CNTN1: variants seen among roughly 807,000 people sequenced by gnomAD.
The protein encoded by CNTN1 is contactin-1.
A neutral mutation model predicts 126.4 loss-of-function variants in CNTN1; 38 were observed. The ratio of observed to expected loss-of-function variants is 0.30; its 90% CI spans 0.23 to 0.39. CNTN1 has a LOEUF of 0.39. CNTN1 is among the 10% of genes least tolerant of loss of function. CNTN1 has a pLI of 1.00. For synonymous variants in CNTN1, 413 were observed against 422.6 expected (o/e 0.98, Z 0.28); for missense variants, 1,009 against 1,248.4 (o/e 0.81, Z 2.89).
intron 13 of CNTN1, 132 bp downstream of exon 13, chr12:40,943,856 A>G (rs982888369): frequency 5.0e-6 from 7 of 1,387,466 alleles, no homozygotes; most frequent in Non-Finnish European, 7.0e-6. Context: ...TTGCTTGATG[A>G]TATTGTTCTT....
intron 23 of CNTN1, among the ~76,000 whole-genome samples, chr12:41,057,283 A>G (rs973199262): frequency 6.7e-6 from 1 of 149,302 alleles, no homozygotes; most frequent in Non-Finnish European, 1.5e-5. Context: ...TTTCCTCTAA[A>G]GAAAGAGCCA....
intron 18 of CNTN1, among the ~76,000 whole-genome samples, chr12:41,015,175 T>C (rs896590745): frequency 7.4e-6 from 1 of 135,124 alleles, no homozygotes; most frequent in South Asian, 2.6e-4. Context: ...AGCATTTAAA[T>C]CACATTTTAA....
At position 40,817,523 on chromosome 12, in the gene CNTN1, T is replaced by A. The variant is rs1941300223; in HGVS notation, c.-76-90834T>A. Among the ~76,000 whole-genome samples the A allele has an allele frequency of 2.2e-5, 3 of 138,196 alleles. No homozygotes were observed. The East Asian group carries it at 6.7e-4, about 31-fold the overall frequency. The allele number at this position is 138,196 out of a possible 152,430, so 90.7% of individuals were successfully genotyped here. On this transcript the variant is annotated intron_variant, in intron 1 of 23. Coordinates refer to ENST00000551295, the MANE Select transcript of CNTN1 (RefSeq NM_001843.4). ...TTTTGCTTTTCATTTCCTTGGTAAA[T>A]TTTCCTCCATCCCTTTCTTTTGAGA...
chr12:41,065,804 G>T (rs1446526242), intron 23 of CNTN1, among the ~76,000 whole-genome samples: 1 of 152,252 alleles, frequency 6.6e-6, no homozygotes, highest in African/African-American at 2.4e-5. Context: ...GATCTTGGTA[G>T]TGTTTCCTGT....
Position 40,920,569 on chromosome 12 carries a change from C to T in CNTN1, c.228-1687C>T, listed in dbSNP as rs554472530. On this transcript the variant is annotated intron_variant, in intron 4 of 23. Transcript: ENST00000551295. Reference sequence around the variant, plus strand: ...ATGGAAATAGTTTGATGGAAAAGAACATTTAAAGTTTTTAAAATGTACATA... The same window carrying T: ...ATGGAAATAGTTTGATGGAAAAGAATATTTAAAGTTTTTAAAATGTACATA... Among the ~76,000 whole-genome samples, 6 of 152,038 alleles carry T rather than the reference C, an allele frequency of 3.9e-5. No homozygotes were observed. The East Asian group carries it at 9.7e-4, about 24-fold the overall frequency.
At chr12:41,043,141 T>C (rs1592451117) in intron 23 of CNTN1, among the ~76,000 whole-genome samples, 1 of 152,092 alleles carries the variant, frequency 6.6e-6, no homozygotes, top group African/African-American at 2.4e-5. Context: ...AAAGCCAAAA[T>C]TGACAAATGG....
chr12:40,727,052 C>A (rs1450518583), intron 1 of CNTN1, among the ~76,000 whole-genome samples: 1 of 149,338 alleles, frequency 6.7e-6, no homozygotes, highest in African/African-American at 2.4e-5. Context: ...AATACTTCCT[C>A]ATGTTCTTTT....
At chr12:40,966,002 A>G (rs1054970077) in intron 15 of CNTN1, among the ~76,000 whole-genome samples, 2,015 of 125,586 alleles carry the variant, frequency 0.016, 54 homozygotes, top group African/African-American at 0.064. Flanking sequence ...ATCACACCAC[A>G]CACACACACA....
intron 1 of CNTN1, among the ~76,000 whole-genome samples, chr12:40,858,386 AT>A (rs1309057153): frequency 3.9e-4 from 59 of 152,294 alleles, no homozygotes; most frequent in African/African-American, 1.3e-3. Flanking sequence ...AACAAACAAT[AT>A]GAAAAAAAGC....
At chr12:40,965,934 T>C (rs1197044550) in intron 15 of CNTN1, among the ~76,000 whole-genome samples, 1 of 151,062 alleles carries the variant, frequency 6.6e-6, no homozygotes, top group Non-Finnish European at 1.5e-5. Context: ...AGAATAGACA[T>C]AAAAGTTCTA....
chr12:41,013,441 C>T (rs976345314), intron 17 of CNTN1, among the ~76,000 whole-genome samples: 5 of 152,104 alleles, frequency 3.3e-5, no homozygotes, highest in African/African-American at 1.2e-4. Flanking sequence ...ACCAAGGACT[C>T]CCATACCCTT....
At chr12:40,916,233 A>C (rs1045252923) in intron 3 of CNTN1, among the ~76,000 whole-genome samples, 1 of 152,134 alleles carries the variant, frequency 6.6e-6, no homozygotes, top group Non-Finnish European at 1.5e-5. Context: ...GAATCTAGAT[A>C]TATTGATTTC....
chr12:40,939,244 T>G (rs1471307991), intron 11 of CNTN1, 91 bp from the exon 12 acceptor site: 1 of 1,357,504 alleles, frequency 7.4e-7, no homozygotes, highest in Non-Finnish European at 1.0e-6. Context: ...TTCCATTAAC[T>G]ATTAAGGAGA....
At chr12:40,968,016 T>C (rs1194472474) in intron 15 of CNTN1, among the ~76,000 whole-genome samples, 1 of 151,378 alleles carries the variant, frequency 6.6e-6, no homozygotes, top group Non-Finnish European at 1.5e-5. Context: ...TTAAAGACAT[T>C]GTTTACCAGA....
chr12:40,898,446 T>C (rs1944490508), intron 1 of CNTN1, among the ~76,000 whole-genome samples: 1 of 152,192 alleles, frequency 6.6e-6, no homozygotes, highest in African/African-American at 2.4e-5. Flanking sequence ...TAAAAACAGA[T>C]GTCTGCATGG....
At chr12:40,828,551 C>A (rs1371402184) in intron 1 of CNTN1, among the ~76,000 whole-genome samples, 1 of 152,066 alleles carries the variant, frequency 6.6e-6, no homozygotes, top group Non-Finnish European at 1.5e-5. Flanking sequence ...TAGAAGACTG[C>A]AAACTGGGGA....
chr12:41,006,921 G>A (rs924469370), intron 17 of CNTN1, among the ~76,000 whole-genome samples: 11 of 152,160 alleles, frequency 7.2e-5, no homozygotes, highest in African/African-American at 2.7e-4. Flanking sequence ...GGCCAGTTAG[G>A]TGCTAAGCAT....
At chr12:41,068,635 T>C (rs983638484) in intron 23 of CNTN1, among the ~76,000 whole-genome samples, 2 of 152,130 alleles carry the variant, frequency 1.3e-5, no homozygotes, top group Admixed American at 1.3e-4. Context: ...AGAAATGCAC[T>C]AAATCTCCCT....
At position 41,014,286 on chromosome 12, in the gene CNTN1, C is replaced by G. The variant is rs140132597; in HGVS notation, c.2172C>G (p.Thr724=). The change falls in exon 18 of 24, where the codon ACC becomes ACG. Residue 724 remains threonine, a synonymous_variant. Coordinates refer to ENST00000551295, the MANE Select transcript of CNTN1 (RefSeq NM_001843.4). ...GAGGTGGAAGAAACAGAGAGCTGAC[C>G]ATAACATGGGCGGTAAGTATTGATG... The part of the protein sequence containing the change: ...GGGGGRNREL[T]ITWAPLSREY... The G allele has an allele frequency of 4.3e-6, 7 of 1,613,802 alleles. No individual in the cohort carries two copies. The African/African-American group carries it at 9.3e-5, about 22-fold the overall frequency.
Sources: allele counts gnomAD v4.1 joint callset (sites outside exome capture counted in the v4.1 genomes callset), GRCh38; gene constraint gnomAD v4.1.1; transcripts MANE v1.5; gene names NCBI Gene and HGNC (gene_info 2026-07-23, HGNC 2026-07-21).